PTPRN2: variants seen among roughly 807,000 people sequenced by gnomAD.
The protein encoded by PTPRN2 is receptor-type tyrosine-protein phosphatase N2.
In PTPRN2, 74 loss-of-function variants were observed where a neutral mutation model predicts 118.8. The observed-to-expected ratio is 0.62, with a 90% CI of 0.52 to 0.76. The LOEUF is 0.76. PTPRN2 is among the 30% of genes least tolerant of loss of function. The pLI is 0.00. For missense variants in PTPRN2, 1,481 were observed against 1,394.4 expected (o/e 1.06, Z -0.99); for synonymous variants, 641 against 608.0 (o/e 1.05, Z -0.80).
chr7:158,372,146 G>A (rs1321866340), intron 2 of PTPRN2, among the ~76,000 whole-genome samples: 1 of 152,144 alleles, frequency 6.6e-6, no homozygotes, highest in Non-Finnish European at 1.5e-5. Context: ...AGAGGTCCCC[G>A]TGGAGTCTCA....
chr7:158,420,301 G>C (rs1815142707), intron 2 of PTPRN2, among the ~76,000 whole-genome samples: 2 of 152,260 alleles, frequency 1.3e-5, no homozygotes, highest in African/African-American at 4.8e-5. Context: ...CAACACCACA[G>C]GCACAGCTTC....
rs76457816 is a variant in PTPRN2 at position 158,535,617 on chromosome 7, T to C, written c.113-45832A>G. Reference sequence around the variant, plus strand: ...ACTTCTTGTAGCATTCAGGTGGCTATTGAAATCATACAAAAACAATTAATA... The same window carrying C: ...ACTTCTTGTAGCATTCAGGTGGCTACTGAAATCATACAAAAACAATTAATA... On this transcript the variant is annotated intron_variant, in intron 1 of 22. Transcript: ENST00000389418. 2.1e-3 allele frequency among the ~76,000 whole-genome samples: 325 copies of C among 152,210 alleles called. 9 individuals are homozygous for C. The highest frequency in any genetic ancestry group is 5.8e-4 in the East Asian group (3 of 5,172).
chr7:157,998,127 G>C (rs1489486723), intron 11 of PTPRN2, among the ~76,000 whole-genome samples: 1 of 150,650 alleles, frequency 6.6e-6, no homozygotes. Context: ...GTGTGGGGCT[G>C]GGGGAGAGGA....
intron 12 of PTPRN2, among the ~76,000 whole-genome samples, chr7:157,728,112 AAGG>A (rs1799699235): frequency 6.6e-6 from 1 of 152,094 alleles, no homozygotes; most frequent in Non-Finnish European, 1.5e-5. Context: ...AGGGTCTGGC[AAGG>A]AGGTCAGCTC....
At chr7:158,150,081 G>GGCCGTGGGGCAGAAGGCT (rs1455320538) in intron 6 of PTPRN2, among the ~76,000 whole-genome samples, 6 of 152,198 alleles carry the variant, frequency 3.9e-5, no homozygotes, top group South Asian at 2.1e-4. Flanking sequence ...TGAGGGAAGA[G>GGCCGTGGGGCAGAAGGCT]GCCGTGGGGC....
chr7:158,478,438 C>T (rs570566199), intron 2 of PTPRN2, among the ~76,000 whole-genome samples: 1 of 152,314 alleles, frequency 6.6e-6, no homozygotes, highest in Non-Finnish European at 1.5e-5. Context: ...AAGGAAGGCT[C>T]AGCACGTCGG....
At position 158,517,670 on chromosome 7, in the gene PTPRN2, T is replaced by C. The variant is rs540206172; in HGVS notation, c.113-27885A>G. On this transcript the variant is annotated intron_variant, in intron 1 of 22. Coordinates refer to ENST00000389418, the MANE Select transcript of PTPRN2 (RefSeq NM_002847.5). The surrounding 1 kb of genome is among the most constrained non-coding windows in gnomAD (Gnocchi z 5.3). ...TAGGGTGGAGTCCAAGCCAGCCTCA[T>C]GGACAGCGTCTCCAGACTCTTCCCC... Among the ~76,000 whole-genome samples the C allele has an allele frequency of 8.5e-5, 13 of 152,294 alleles. No individual in the cohort carries two copies. The highest frequency in any genetic ancestry group is 1.9e-4 in the African/African-American group (8 of 41,568).
chr7:158,430,509 C>T (rs565852849), intron 2 of PTPRN2, among the ~76,000 whole-genome samples: 67 of 152,348 alleles, frequency 4.4e-4, no homozygotes, highest in African/African-American at 1.5e-3. Context: ...CACGGCTCAG[C>T]GCGGCACCCC....
intron 12 of PTPRN2, among the ~76,000 whole-genome samples, chr7:157,717,444 G>A (rs552899098): frequency 2.6e-5 from 4 of 152,392 alleles, no homozygotes; most frequent in African/African-American, 7.2e-5. Context: ...GGGTGCTGCA[G>A]GGTCAGCTGA....
chr7:157,542,596 G>T (rs909708711), intron 22 of PTPRN2, among the ~76,000 whole-genome samples: 3 of 152,180 alleles, frequency 2.0e-5, no homozygotes, highest in Admixed American at 2.0e-4. Context: ...CCATGCTATG[G>T]GGGAGGGGAC....
In PTPRN2 at chr7:158,456,779, T is replaced by C. The variant is rs186836896; in HGVS notation, c.163+32956A>G. 3.9e-5 allele frequency among the ~76,000 whole-genome samples: 6 copies of C among 152,350 alleles called. No homozygotes were observed. In the East Asian group the frequency reaches 9.7e-4, roughly 25 times the overall value. On this transcript the variant is annotated intron_variant, in intron 2 of 22. Coordinates refer to ENST00000389418, the MANE Select transcript of PTPRN2 (RefSeq NM_002847.5). ...TAGCAAATGAGGACTTATCTCATTT[T>C]ATTTTATTTAGGGGAGACGGGGTCT... is the stretch of plus-strand genomic sequence containing the variant.
chr7:157,693,335 T>C (rs2530400), intron 12 of PTPRN2, among the ~76,000 whole-genome samples: 132,749 of 151,940 alleles, frequency 0.87, 58,218 homozygotes, highest in Non-Finnish European at 0.91. Flanking sequence ...AACCCTAGGG[T>C]GGCGACAGAG....
In PTPRN2 at chr7:157,933,988, G is replaced by T. The variant is rs1056246323; in HGVS notation, c.1724-35251C>A. ...TCACTGATTTGCATTTTTAAAGTAGGGGTGAGTCACTTTGCACCATGCTCC... is the reference window on the plus strand; with the variant it reads ...TCACTGATTTGCATTTTTAAAGTAGTGGTGAGTCACTTTGCACCATGCTCC... On this transcript the variant is annotated intron_variant, in intron 11 of 22. Coordinates refer to ENST00000389418, the MANE Select transcript of PTPRN2 (RefSeq NM_002847.5). Among the ~76,000 whole-genome samples the T allele has an allele frequency of 3.3e-5, 5 of 152,270 alleles. No individual in the cohort carries two copies. In the East Asian group the frequency reaches 9.7e-4, roughly 29 times the overall value.
chr7:158,188,639 C>A, intron 5 of PTPRN2, among the ~76,000 whole-genome samples: 1 of 136,552 alleles, frequency 7.3e-6, no homozygotes, highest in African/African-American at 2.8e-5. Flanking sequence ...GGAAGGCCGC[C>A]ACGCTCGCCC....
At chr7:158,200,551 C>CAT (rs1168498854) in intron 4 of PTPRN2, among the ~76,000 whole-genome samples, 1 of 152,064 alleles carries the variant, frequency 6.6e-6, no homozygotes, top group Non-Finnish European at 1.5e-5. Context: ...AATTACACAT[C>CAT]ATATATATAT....
In PTPRN2 at chr7:157,974,511, C is replaced by A. The variant is rs963469235; in HGVS notation, c.1724-75774G>T. Among the ~76,000 whole-genome samples the A allele has an allele frequency of 6.6e-6, 1 of 152,160 alleles. No individual in the cohort carries two copies. Among genetic ancestry groups the A allele is most frequent in the Non-Finnish European group, 1.5e-5 (1 of 68,040 alleles). On this transcript the variant is annotated intron_variant, in intron 11 of 22. Transcript: ENST00000389418. This position sits in a 1 kb window ranked among gnomAD's most constrained non-coding sequence, Gnocchi z 4.0. The stretch of plus-strand genomic sequence containing the variant: ...AGTGTTCACTGGCAGTGGGAACCGT[C>A]GGTCCTGCCATGGGACGATGTGACT...
In PTPRN2 at chr7:157,550,881, G is replaced by C. The variant is rs543899314; in HGVS notation, c.2903-1862C>G. On this transcript the variant is annotated intron_variant, in intron 21 of 22. Transcript: ENST00000389418. This position sits in a 1 kb window ranked among gnomAD's most constrained non-coding sequence, Gnocchi z 5.2. ...CTCCAAAGGCCTAAAAAGTCGACAA[G>C]GCTACAGTAAATACAATCTTGTTTT... 6.6e-6 allele frequency among the ~76,000 whole-genome samples: 1 copy of C among 152,304 alleles called. No individual in the cohort carries two copies. Among genetic ancestry groups the C allele is most frequent in the South Asian group, 2.1e-4 (1 of 4,830 alleles).
intron 11 of PTPRN2, among the ~76,000 whole-genome samples, chr7:157,951,134 C>G (rs1167444723): frequency 6.6e-6 from 1 of 152,062 alleles, no homozygotes; most frequent in Non-Finnish European, 1.5e-5. Context: ...CCCCAGGTGC[C>G]GTCCCCTGAC....
chr7:157,561,218 C>T (rs1563214068), intron 21 of PTPRN2, among the ~76,000 whole-genome samples: 1 of 152,150 alleles, frequency 6.6e-6, no homozygotes, highest in South Asian at 2.1e-4. Context: ...CCCTTCGGCC[C>T]CCGGGTCCTG....
Sources: gnomAD v4.1 joint callset for allele counts (sites outside exome capture counted in the v4.1 genomes callset) on GRCh38, gnomAD v4.1.1 for gene constraint, Gnocchi (gnomAD v3.1) non-coding constraint, MANE v1.5 for transcripts, NCBI Gene and HGNC (gene_info 2026-07-23, HGNC 2026-07-21) for gene names.